RNGTT: variants seen among roughly 807,000 people sequenced by gnomAD.
RNGTT encodes RNA guanylyltransferase and 5'-phosphatase.
RNGTT carries 33 observed loss-of-function variants against 79.3 expected under a neutral mutation model. The observed-to-expected ratio is 0.42, with a 90% CI of 0.32 to 0.56. The LOEUF (loss-of-function observed/expected upper bound fraction) is 0.56. Among genes scored for constraint, RNGTT ranks in the 20% least tolerant of loss-of-function variants. The pLI is 0.17. For synonymous variants in RNGTT, 222 were observed against 235.9 expected (o/e 0.94, Z 0.54); for missense variants, 497 against 739.1 (o/e 0.67, Z 3.80).
intron 14 of RNGTT, among the ~76,000 whole-genome samples, chr6:88,653,407 G>A (rs1420218663): frequency 6.6e-6 from 1 of 151,990 alleles, no homozygotes; most frequent in Non-Finnish European, 1.5e-5. Context: ...TAGCTCAAAA[G>A]TCATCGAAAT....
intron 14 of RNGTT, among the ~76,000 whole-genome samples, chr6:88,660,395 A>G (rs1051449484): frequency 2.6e-5 from 4 of 152,194 alleles, no homozygotes; most frequent in Admixed American, 1.3e-4. Flanking sequence ...CAAGTATCCT[A>G]TCTGTTGTCT....
At chr6:88,803,395 G>A (rs1779848810) in intron 11 of RNGTT, among the ~76,000 whole-genome samples, 1 of 151,886 alleles carries the variant, frequency 6.6e-6, no homozygotes, top group Middle Eastern at 3.4e-3. Flanking sequence ...CCAATATGGT[G>A]AAACACCATC....
At chr6:88,613,354 T>A (rs1304651437) in intron 15 of RNGTT, among the ~76,000 whole-genome samples, 2 of 152,224 alleles carry the variant, frequency 1.3e-5, no homozygotes, top group Non-Finnish European at 2.9e-5. Flanking sequence ...GCAGACCATA[T>A]TATCTTCTCT....
intron 1 of RNGTT, among the ~76,000 whole-genome samples, chr6:88,945,027 C>G (rs1282297461): frequency 6.6e-6 from 1 of 152,326 alleles, no homozygotes; most frequent in East Asian, 1.9e-4. Flanking sequence ...TGACTAAGGT[C>G]CATCCACGGC....
At chr6:88,861,617 A>G (rs1035670291) in intron 8 of RNGTT, among the ~76,000 whole-genome samples, 8 of 152,092 alleles carry the variant, frequency 5.3e-5, no homozygotes, top group Non-Finnish European at 1.0e-4. Context: ...CACCTCCTTT[A>G]ACTTAGTTCC....
intron 13 of RNGTT, among the ~76,000 whole-genome samples, chr6:88,754,258 G>A (rs1255384971): frequency 6.6e-6 from 1 of 152,102 alleles, no homozygotes; most frequent in African/African-American, 2.4e-5. Context: ...AGACCCTAAA[G>A]ACAAAGATTG....
intron 12 of RNGTT, among the ~76,000 whole-genome samples, chr6:88,773,875 A>T (rs1387538673): frequency 6.6e-6 from 1 of 152,188 alleles, no homozygotes; most frequent in African/African-American, 2.4e-5. Flanking sequence ...AAGAAAACAT[A>T]AGGCTCTGCG....
chr6:88,698,943 A>G (rs1775851503), intron 13 of RNGTT, among the ~76,000 whole-genome samples: 1 of 152,212 alleles, frequency 6.6e-6, no homozygotes, highest in Admixed American at 6.5e-5. Flanking sequence ...CAGCGCTGGC[A>G]ATGTTATGTA....
intron 2 of RNGTT, among the ~76,000 whole-genome samples, chr6:88,940,128 T>C (rs1440843449): frequency 6.7e-6 from 1 of 149,904 alleles, no homozygotes; most frequent in Non-Finnish European, 1.5e-5. Flanking sequence ...TGGGTTGGAG[T>C]GCACTGGTAT....
chr6:88,638,817 C>T (rs569725186), intron 14 of RNGTT, among the ~76,000 whole-genome samples: 20 of 152,230 alleles, frequency 1.3e-4, no homozygotes, highest in Non-Finnish European at 2.4e-4. Flanking sequence ...ACACTTTCCT[C>T]AAAAACTGCA....
chr6:88,901,495 C>CATTTTTTTTTT (rs1783458450), intron 6 of RNGTT, among the ~76,000 whole-genome samples: 1 of 65,776 alleles, frequency 1.5e-5, no homozygotes, highest in African/African-American at 7.1e-5. Context: ...GCACCCTGAT[C>CATTTTTTTTTT]TTTTTTTTTT....
chr6:88,855,392 G>C (rs894126238), intron 8 of RNGTT, among the ~76,000 whole-genome samples: 1 of 151,916 alleles, frequency 6.6e-6, no homozygotes, highest in African/African-American at 2.4e-5. Context: ...GAAAACAAGT[G>C]TACAAACAAA....
chr6:88,844,831 T>C (rs1316666284), intron 10 of RNGTT, among the ~76,000 whole-genome samples: 2 of 152,044 alleles, frequency 1.3e-5, no homozygotes, highest in Non-Finnish European at 1.5e-5. Context: ...CTCACACCTG[T>C]AGTCCCAGCA....
intron 11 of RNGTT, among the ~76,000 whole-genome samples, chr6:88,839,420 A>T (rs1161481168): frequency 6.6e-6 from 1 of 152,116 alleles, no homozygotes; most frequent in African/African-American, 2.4e-5. Flanking sequence ...AAATTAAAAA[A>T]TTAGCTAGGA....
At chr6:88,673,666 C>A (rs1365963779) in intron 14 of RNGTT, among the ~76,000 whole-genome samples, 1 of 152,084 alleles carries the variant, frequency 6.6e-6, no homozygotes, top group African/African-American at 2.4e-5. Flanking sequence ...AAAGGATTGA[C>A]AAAAGATTGA....
intron 8 of RNGTT, among the ~76,000 whole-genome samples, chr6:88,870,809 C>T (rs1022767502): frequency 3.9e-5 from 6 of 152,030 alleles, no homozygotes; most frequent in African/African-American, 1.2e-4. Flanking sequence ...TCTTAATAAT[C>T]CCCAGCTAAT....
chr6:88,858,880 T>G lies in RNGTT; in HGVS notation c.897-5116A>C, dbSNP rs561934667. Among the ~76,000 whole-genome samples the G allele has an allele frequency of 1.5e-4, 23 of 152,154 alleles. No homozygotes were observed. The South Asian group carries it at 4.8e-3, about 32-fold the overall frequency. On this transcript the variant is annotated intron_variant, in intron 8 of 15. Transcript: ENST00000369485. ...GCAATGTCCTTCAGACAAGATAGAATGCAGCAATGTTCTGGTAACTAAAAA... is the reference window on the plus strand; with the variant it reads ...GCAATGTCCTTCAGACAAGATAGAAGGCAGCAATGTTCTGGTAACTAAAAA...
intron 8 of RNGTT, among the ~76,000 whole-genome samples, chr6:88,878,493 T>G (rs1007480724): frequency 1.3e-5 from 2 of 152,182 alleles, no homozygotes; most frequent in African/African-American, 4.8e-5. Context: ...TTTACTTTTG[T>G]GGAGTCTGGT....
chr6:88,945,812 C>G (rs1287716074), intron 1 of RNGTT, among the ~76,000 whole-genome samples: 1 of 152,162 alleles, frequency 6.6e-6, no homozygotes, highest in Non-Finnish European at 1.5e-5. Flanking sequence ...CCAAGCCTGG[C>G]CATAAAACCC....
Sources: gnomAD v4.1 joint callset for allele counts (sites outside exome capture counted in the v4.1 genomes callset) on GRCh38, gnomAD v4.1.1 for gene constraint, MANE v1.5 for transcripts, NCBI Gene and HGNC (gene_info 2026-07-23, HGNC 2026-07-21) for gene names.